Variants in PAPOLA observed in about 807,000 individuals in gnomAD.
PAPOLA encodes the protein poly(A) polymerase alpha.
In PAPOLA, 15 loss-of-function variants were observed where a neutral mutation model predicts 100.6. That is an observed-to-expected ratio of 0.15 (90% CI 0.10 to 0.23). The LOEUF (loss-of-function observed/expected upper bound fraction) is 0.23, where lower values mean the gene tolerates loss of function less well. Among genes scored for constraint, PAPOLA ranks in the 10% least tolerant of loss-of-function variants. The pLI, the probability that PAPOLA is intolerant of heterozygous loss-of-function variation, is 1.00. For synonymous variants in PAPOLA, 293 were observed against 300.0 expected, an observed-to-expected ratio of 0.98 and a Z score of 0.24; for missense variants, 533 against 884.2, an observed-to-expected ratio of 0.60 and a Z score of 5.04.
In PAPOLA at chr14:96,525,344, GA is replaced by G. The variant is rs35783174; in HGVS notation, c.289del (p.Ile97PhefsTer9). ...LPQSVIENVG[G>X]KIFTFGSYRL... ...CAATCTGTAATTGAAAATGTTGGAG[GA>G]AAAATTTTTACATTTGGATCTTACA... On this transcript the variant is annotated frameshift_variant, in exon 4 of 22. Coordinates refer to ENST00000216277, the MANE Select transcript of PAPOLA (RefSeq NM_032632.5). LOFTEE classifies it high-confidence loss of function. 1.3e-6 allele frequency: 2 copies of G among 1,525,310 alleles called. No individual in the cohort carries two copies. Among genetic ancestry groups the G allele is most frequent in the Non-Finnish European group, 1.8e-6 (2 of 1,111,834 alleles). The allele number at this position is 1,525,310 out of a possible 1,614,324, so 94.5% of individuals were successfully genotyped here.
At chr14:96,559,144 C>G in intron 19 of PAPOLA, among the ~76,000 whole-genome samples, 1 of 151,676 alleles carries the variant, frequency 6.6e-6, no homozygotes, top group East Asian at 1.9e-4. Flanking sequence ...ATGGGCTAAT[C>G]TCATTTCCTA....
At chr14:96,532,922 A>G in intron 9 of PAPOLA, 1 of 1,117,648 alleles carries the variant, frequency 8.9e-7, no homozygotes, top group Non-Finnish European at 1.1e-6. Flanking sequence ...CTAAGATCCA[A>G]TTTATTGATA....
chr14:96,548,261 T>A (rs1021762771), intron 16 of PAPOLA, among the ~76,000 whole-genome samples: 1 of 152,200 alleles, frequency 6.6e-6, no homozygotes, highest in African/African-American at 2.4e-5. Context: ...ATTAAATTAG[T>A]AAGGAAATAT....
At chr14:96,523,900 G>A (rs1055159203) in intron 3 of PAPOLA, among the ~76,000 whole-genome samples, 1 of 150,764 alleles carries the variant, frequency 6.6e-6, no homozygotes, top group Non-Finnish European at 1.5e-5. Flanking sequence ...CCGAGATTGC[G>A]CCCGTTGCAC....
intron 1 of PAPOLA, among the ~76,000 whole-genome samples, chr14:96,505,275 C>T (rs1420383026): frequency 2.6e-5 from 4 of 152,282 alleles, no homozygotes; most frequent in African/African-American, 9.6e-5. Flanking sequence ...TCCATTTCCC[C>T]AGTAATGACA....
intron 15 of PAPOLA, among the ~76,000 whole-genome samples, chr14:96,544,648 A>G (rs1200208689): frequency 2.0e-5 from 3 of 152,054 alleles, no homozygotes; most frequent in South Asian, 2.1e-4. Context: ...TGTATACACG[A>G]TTTTTCTCTA....
At chr14:96,531,400 G>A (rs767349699) in intron 6 of PAPOLA, 75 bp from the exon 7 acceptor site, 119 of 1,183,810 alleles carry the variant, frequency 1.0e-4, no homozygotes, top group Non-Finnish European at 1.3e-4. Context: ...GGGATTTTTT[G>A]TTTGTTTGTT....
At chr14:96,504,118 A>C (rs1347936508) in intron 1 of PAPOLA, among the ~76,000 whole-genome samples, 2 of 152,208 alleles carry the variant, frequency 1.3e-5, no homozygotes, top group African/African-American at 4.8e-5. Context: ...GTTCAATAGG[A>C]GATAAATGTT....
intron 1 of PAPOLA, among the ~76,000 whole-genome samples, chr14:96,516,321 TTTTC>T (rs749738262): frequency 4.6e-5 from 7 of 152,000 alleles, no homozygotes; most frequent in Non-Finnish European, 7.4e-5. Flanking sequence ...TAGTTTTTCC[TTTTC>T]TTTCTTTCTT....
Position 96,547,885 on chromosome 14 carries a change from A to G in PAPOLA, c.1488A>G (p.Leu496=). ...TAAAAAGAAAGCAACTCCATCAACT[A>G]CTACCTAATCATGTGCTTCAGAAAA... is the stretch of plus-strand genomic sequence containing the variant. ...MHVKRKQLHQ[L]LPNHVLQKKK... The change falls in exon 16 of 22, where the codon CTA becomes CTG. Residue 496 remains leucine, a synonymous_variant. Coordinates refer to ENST00000216277, the MANE Select transcript of PAPOLA (RefSeq NM_032632.5). 1 of 1,609,868 alleles carries G rather than the reference A, an allele frequency of 6.2e-7. No individual in the cohort carries two copies. The highest frequency in any genetic ancestry group is 1.3e-5 in the African/African-American group (1 of 74,832).
Position 96,537,040 on chromosome 14 carries a change from A to T in PAPOLA, c.1095A>T (p.Pro365=), listed in dbSNP as rs1188724985. ...AGTGGTCCAAACTTTTTGAAGCTCCAAACTTCTTTCAAAAGTACAAGTATG... is the reference window on the plus strand; with the variant it reads ...AGTGGTCCAAACTTTTTGAAGCTCCTAACTTCTTTCAAAAGTACAAGTATG... ...KAEWSKLFEA[P]NFFQKYKHYI... The change falls in exon 12 of 22, where the codon CCA becomes CCT. Residue 365 remains proline (P), a synonymous_variant. Coordinates refer to ENST00000216277, the MANE Select transcript of PAPOLA (RefSeq NM_032632.5). The T allele has an allele frequency of 1.2e-6, 2 of 1,603,426 alleles. No individual in the cohort carries two copies. The highest frequency in any genetic ancestry group is 1.7e-6 in the Non-Finnish European group (2 of 1,170,420).
At chr14:96,518,045 G>A (rs563491472) in intron 1 of PAPOLA, among the ~76,000 whole-genome samples, 3 of 152,242 alleles carry the variant, frequency 2.0e-5, no homozygotes, top group South Asian at 4.1e-4. Context: ...GATTAACATA[G>A]CTTTTGAGTA....
chr14:96,547,897 T>G lies in PAPOLA; in HGVS notation c.1500T>G (p.His500Gln). Residue 500 changes from histidine to glutamine, a missense_variant, in exon 16 of 22, where the codon CAT (histidine) becomes CAG (glutamine). His to Gln is a conservative substitution (Grantham distance 24). Coordinates refer to ENST00000216277, the MANE Select transcript of PAPOLA (RefSeq NM_032632.5). ...AACTCCATCAACTACTACCTAATCA[T>G]GTGCTTCAGAAAAAGAAAAAGGTAA... ...RKQLHQLLPN[H>Q]VLQKKKKHST... 2.5e-6 allele frequency: 4 copies of G among 1,601,174 alleles called. No homozygotes were observed. The highest frequency in any genetic ancestry group is 3.4e-6 in the Non-Finnish European group (4 of 1,175,616).
intron 15 of PAPOLA, among the ~76,000 whole-genome samples, chr14:96,546,273 A>G (rs1240113660): frequency 6.6e-6 from 1 of 152,032 alleles, no homozygotes; most frequent in African/African-American, 2.4e-5. Flanking sequence ...TACTGTTCCC[A>G]CTGCTTTCAC....
chr14:96,560,531 T>C, intron 19 of PAPOLA, 118 bp from the exon 20 acceptor site: 1 of 686,470 alleles, frequency 1.5e-6, no homozygotes, highest in Admixed American at 2.8e-5. Context: ...TTTAAGGCTG[T>C]AGTTGATCTT....
rs1273457529 is a variant in PAPOLA, at chr14:96,566,193, A to G, written c.*1143A>G. Reference sequence around the variant, plus strand: ...CTCCAAGATTTTAAAACTAATTCTTATTTTTAAATGGTTTACCAAAATTTG... The same window carrying G: ...CTCCAAGATTTTAAAACTAATTCTTGTTTTTAAATGGTTTACCAAAATTTG... On this transcript the variant is annotated 3_prime_UTR_variant, in exon 22 of 22. Transcript: ENST00000216277. 1 of 336,102 alleles carries G rather than the reference A, an allele frequency of 3.0e-6. No individual in the cohort carries two copies. Among genetic ancestry groups the G allele is most frequent in the African/African-American group, 2.1e-5 (1 of 47,478 alleles). The allele number at this position is 336,102 out of a possible 1,614,324, so 20.8% of individuals were successfully genotyped here.
intron 19 of PAPOLA, among the ~76,000 whole-genome samples, chr14:96,558,380 T>C (rs1393000582): frequency 6.6e-6 from 1 of 152,152 alleles, no homozygotes; most frequent in Non-Finnish European, 1.5e-5. Context: ...CTTTTGACAT[T>C]AGTAAAGTGT....
At chr14:96,547,689 C>G in intron 15 of PAPOLA, 108 bp from the exon 16 acceptor site, 1 of 752,278 alleles carries the variant, frequency 1.3e-6, no homozygotes, top group Non-Finnish European at 2.1e-6. Flanking sequence ...TACAGATATG[C>G]AGTATTGATG....
intron 12 of PAPOLA, among the ~76,000 whole-genome samples, chr14:96,540,898 T>G (rs1273206734): frequency 6.6e-6 from 1 of 152,230 alleles, no homozygotes; most frequent in East Asian, 1.9e-4. Context: ...TTTCTTTTTT[T>G]TGTTTTGAGA....
Sources: allele counts gnomAD v4.1 joint callset (sites outside exome capture counted in the v4.1 genomes callset), GRCh38; gene constraint gnomAD v4.1.1; transcripts MANE v1.5; gene names NCBI Gene and HGNC (gene_info 2026-07-23, HGNC 2026-07-21).